The following ITGA8 variants were observed in gnomAD, a reference collection of about 807,000 sequenced individuals.
The protein encoded by ITGA8 is integrin subunit alpha 8, also known as integrin alpha-8.
ITGA8 carries 91 observed loss-of-function variants against 142.3 expected under a neutral mutation model. That is an observed-to-expected ratio of 0.64 (90% CI 0.54 to 0.76). The LOEUF is 0.76. Among genes scored for constraint, ITGA8 ranks in the 30% least tolerant of loss-of-function variants. The probability of loss-of-function intolerance (pLI) is 0.00; values close to 1 mark genes in which losing one functional copy is unlikely to be tolerated. For synonymous variants in ITGA8, 505 were observed against 485.2 expected (o/e 1.04, Z -0.54); for missense variants, 1,406 against 1,327.7 (o/e 1.06, Z -0.92).
intron 20 of ITGA8, among the ~76,000 whole-genome samples, 194 bp downstream of exon 20, chr10:15,604,014 C>T (rs1193855980): frequency 1.3e-5 from 2 of 152,046 alleles, no homozygotes; most frequent in Non-Finnish European, 2.9e-5. Flanking sequence ...TGCACTGTGG[C>T]AAAGAAAGAC....
At chr10:15,602,030 A>G (rs1833112928) in intron 20 of ITGA8, among the ~76,000 whole-genome samples, 1 of 152,264 alleles carries the variant, frequency 6.6e-6, no homozygotes, top group South Asian at 2.1e-4. Flanking sequence ...GTTTACAGCC[A>G]AAGATAGACT....
chr10:15,562,541 G>T (rs753792883), intron 25 of ITGA8, among the ~76,000 whole-genome samples: 1 of 152,226 alleles, frequency 6.6e-6, no homozygotes, highest in Non-Finnish European at 1.5e-5. Flanking sequence ...AGTCCTGAGA[G>T]TGGGATGGGG....
intron 27 of ITGA8, among the ~76,000 whole-genome samples, chr10:15,546,204 A>G (rs551742064): frequency 1.3e-5 from 2 of 152,132 alleles, no homozygotes; most frequent in African/African-American, 4.8e-5. Flanking sequence ...TCCCTACACC[A>G]TTCTACTTTC....
chr10:15,521,352 G>T (rs370914074), intron 28 of ITGA8, among the ~76,000 whole-genome samples: 1 of 152,204 alleles, frequency 6.6e-6, no homozygotes, highest in East Asian at 1.9e-4. Context: ...AGAGTTGAGC[G>T]CCCTGATGGT....
intron 27 of ITGA8, among the ~76,000 whole-genome samples, chr10:15,538,195 G>A (rs1224133813): frequency 6.6e-6 from 1 of 152,102 alleles, no homozygotes; most frequent in East Asian, 1.9e-4. Context: ...AAGTGGTTCA[G>A]TCATCCTGGG....
At chr10:15,617,711 T>C (rs1268799111) in intron 13 of ITGA8, among the ~76,000 whole-genome samples, 1 of 152,150 alleles carries the variant, frequency 6.6e-6, no homozygotes, top group Admixed American at 6.5e-5. Flanking sequence ...CTTTTCTTAA[T>C]CTCATTTACA....
intron 25 of ITGA8, among the ~76,000 whole-genome samples, chr10:15,561,220 T>C (rs1057026915): frequency 2.9e-5 from 3 of 102,420 alleles, no homozygotes; most frequent in South Asian, 3.0e-4. Flanking sequence ...TATATATATA[T>C]ATATATATAT....
chr10:15,663,904 T>A (rs772702252), intron 8 of ITGA8, among the ~76,000 whole-genome samples: 1 of 152,154 alleles, frequency 6.6e-6, no homozygotes, highest in African/African-American at 2.4e-5. Context: ...TTAAAAAAAA[T>A]AATAATTTGG....
chr10:15,666,800 G>C (rs967070989), intron 8 of ITGA8, among the ~76,000 whole-genome samples: 30 of 152,156 alleles, frequency 2.0e-4, no homozygotes, highest in African/African-American at 7.2e-4. Context: ...TCTTTGTTCT[G>C]TTTATATGTT....
intron 8 of ITGA8, among the ~76,000 whole-genome samples, chr10:15,662,633 A>C (rs1326840069): frequency 6.6e-6 from 1 of 152,024 alleles, no homozygotes; most frequent in African/African-American, 2.4e-5. Flanking sequence ...GCCACTGTAC[A>C]TGGCCAGAAG....
rs1021792659 is a variant in ITGA8 at position 15,541,451 on chromosome 10, A to G, written c.2880+7004T>C. On this transcript the variant is annotated intron_variant, in intron 27 of 29. Coordinates refer to ENST00000378076, the MANE Select transcript of ITGA8 (RefSeq NM_003638.3). ...GTTCACTTTGTTCAAAGGTATCACA[A>G]GTTTTTACATTTCTAGAATATCTGC... Among the ~76,000 whole-genome samples, 17 of 152,172 alleles carry G rather than the reference A, an allele frequency of 1.1e-4. 1 individual carries two copies. Among genetic ancestry groups the G allele is most frequent in the Admixed American group, 1.1e-3 (17 of 15,272 alleles).
chr10:15,528,492 A>G (rs1290504356), intron 28 of ITGA8, among the ~76,000 whole-genome samples: 1 of 144,504 alleles, frequency 6.9e-6, no homozygotes, highest in African/African-American at 2.6e-5. Context: ...AATCACCTAC[A>G]TCAGATAAAA....
At chr10:15,684,216 T>C (rs1276268802) in intron 3 of ITGA8, 89 bp from the exon 4 acceptor site, 2 of 1,361,960 alleles carry the variant, frequency 1.5e-6, no homozygotes, top group Admixed American at 4.7e-5. Flanking sequence ...AACAAACTGT[T>C]AAATTATTGG....
At chr10:15,568,191 T>G (rs1204924123) in intron 25 of ITGA8, among the ~76,000 whole-genome samples, 1 of 152,192 alleles carries the variant, frequency 6.6e-6, no homozygotes, top group Non-Finnish European at 1.5e-5. Context: ...CCCAAAGAGT[T>G]GGGATCATAG....
At chr10:15,643,288 C>T (rs1048054607) in intron 13 of ITGA8, among the ~76,000 whole-genome samples, 4 of 151,986 alleles carry the variant, frequency 2.6e-5, no homozygotes, top group Admixed American at 6.6e-5. Flanking sequence ...GGAAGAGATA[C>T]ATATATTTTT....
intron 4 of ITGA8, 24 bp from the exon 5 acceptor site, chr10:15,678,807 T>G: frequency 1.4e-6 from 2 of 1,466,150 alleles, no homozygotes; most frequent in Non-Finnish European, 1.9e-6. Flanking sequence ...AATACATAAA[T>G]GTTATAACGT....
chr10:15,623,568 CCCAG>C (rs1250492966), intron 13 of ITGA8, among the ~76,000 whole-genome samples: 1 of 152,120 alleles, frequency 6.6e-6, no homozygotes, highest in Non-Finnish European at 1.5e-5. Flanking sequence ...TGCCTTTAAT[CCCAG>C]CTACTCAGGA....
intron 8 of ITGA8, among the ~76,000 whole-genome samples, chr10:15,669,012 T>C (rs763040989): frequency 6.6e-5 from 10 of 152,196 alleles, no homozygotes; most frequent in South Asian, 4.1e-4. Flanking sequence ...GTTACTCTTC[T>C]GGAGGAGTAT....
At chr10:15,687,866 A>T in intron 3 of ITGA8, 72 bp downstream of exon 3, 2 of 915,780 alleles carry the variant, frequency 2.2e-6, no homozygotes, top group South Asian at 2.7e-5. Flanking sequence ...GCTTTCCTAA[A>T]CATGAGCTTG....
Sources: allele counts gnomAD v4.1 joint callset (sites outside exome capture counted in the v4.1 genomes callset), GRCh38; gene constraint gnomAD v4.1.1; transcripts MANE v1.5; gene names NCBI Gene and HGNC (gene_info 2026-07-23, HGNC 2026-07-21).